PLB1: variants seen among roughly 807,000 people sequenced by gnomAD.
The protein encoded by PLB1 is phospholipase B1.
A neutral mutation model predicts 227.4 loss-of-function variants in PLB1; 242 were observed. The ratio of observed to expected loss-of-function variants is 1.06; its 90% confidence interval spans 0.96 to 1.18. The LOEUF (loss-of-function observed/expected upper bound fraction) is 1.18, where lower values mean the gene tolerates loss of function less well. PLB1 is among the 50% of genes most tolerant of loss of function. The pLI is 0.00. For synonymous variants in PLB1, 757 were observed against 682.2 expected (o/e 1.11, Z -1.71); for missense variants, 1,858 against 1,816.3 (o/e 1.02, Z -0.42).
At chr2:28,566,094 G>C (rs955744351) in intron 19 of PLB1, among the ~76,000 whole-genome samples, 11 of 152,166 alleles carry the variant, frequency 7.2e-5, no homozygotes, top group African/African-American at 2.7e-4. Flanking sequence ...GGCAGGTTTG[G>C]TGTTTCCTCA....
intron 1 of PLB1, among the ~76,000 whole-genome samples, chr2:28,515,175 A>T (rs900518601): frequency 6.6e-6 from 1 of 152,196 alleles, no homozygotes; most frequent in Non-Finnish European, 1.5e-5. Flanking sequence ...TAGAAAGAAA[A>T]TTACCAAAAT....
At chr2:28,625,896 TC>T (rs1240227352) in intron 50 of PLB1, among the ~76,000 whole-genome samples, 1 of 139,418 alleles carries the variant, frequency 7.2e-6, no homozygotes. Context: ...CAGAACCCCG[TC>T]CCCCGCCAGC....
At chr2:28,603,378 C>T (rs923659840) in intron 39 of PLB1, among the ~76,000 whole-genome samples, 1 of 152,188 alleles carries the variant, frequency 6.6e-6, no homozygotes, top group Non-Finnish European at 1.5e-5. Flanking sequence ...GCCATAAGTA[C>T]ATGGATGTGT....
At chr2:28,588,891 C>T (rs1005794675) in intron 26 of PLB1, among the ~76,000 whole-genome samples, 9 of 152,150 alleles carry the variant, frequency 5.9e-5, no homozygotes, top group Admixed American at 2.0e-4. Context: ...GCTGGCCAGG[C>T]GCGGTGGCTC....
At chr2:28,566,090 T>C (rs1264885740) in intron 19 of PLB1, among the ~76,000 whole-genome samples, 1 of 152,138 alleles carries the variant, frequency 6.6e-6, no homozygotes, top group Non-Finnish European at 1.5e-5. Flanking sequence ...CCCGGGCAGG[T>C]TTGGTGTTTC....
At position 28,640,975 on chromosome 2, in the gene PLB1, C is replaced by T. The variant is rs758859271; in HGVS notation, c.4147C>T (p.Arg1383Ter). The T allele has an allele frequency of 1.1e-5, 17 of 1,613,768 alleles. No individual in the cohort carries two copies. The highest frequency in any genetic ancestry group is 8.0e-5 in the African/African-American group (6 of 74,922). ...KTTSNNFTHS[R>*]AKLKCPSPES... The stretch of plus-strand genomic sequence containing the variant: ...TACCTCCAACAACTTCACCCACAGC[C>T]GAGCCAAACTCAAGTGCCCCTCTCC... Residue 1383 changes from arginine (R) to a stop codon, truncating the protein, a stop_gained, in exon 57 of 58, where the codon CGA becomes TGA. Coordinates refer to ENST00000327757, the MANE Select transcript of PLB1 (RefSeq NM_153021.5). LOFTEE classifies it low-confidence loss of function (END_TRUNC).
At chr2:28,627,888 A>T (rs1688027761) in intron 51 of PLB1, among the ~76,000 whole-genome samples, 1 of 152,178 alleles carries the variant, frequency 6.6e-6, no homozygotes, top group African/African-American at 2.4e-5. Flanking sequence ...CCCCACTGGT[A>T]TCAGCCTGTG....
rs559304991 is a variant in PLB1 at position 28,533,389 on chromosome 2, T to G, written c.555+1195T>G. Among the ~76,000 whole-genome samples the G allele has an allele frequency of 3.0e-3, 464 of 152,350 alleles. 4 individuals carry two copies. Among genetic ancestry groups the G allele is most frequent in the African/African-American group, 0.01 (427 of 41,576 alleles). ...TGCCGAGTGAAATTTACGTGCCTCA[T>G]TTGTTCTCTCCACAGCCCCCCTTTT... On this transcript the variant is annotated intron_variant, in intron 9 of 57. Coordinates refer to ENST00000327757, the MANE Select transcript of PLB1 (RefSeq NM_153021.5).
chr2:28,639,396 G>A (rs767291397), intron 56 of PLB1, among the ~76,000 whole-genome samples: 5 of 152,166 alleles, frequency 3.3e-5, no homozygotes, highest in Admixed American at 2.6e-4. Flanking sequence ...CAGGGCCAGA[G>A]CTTCCATCCA....
In PLB1 at chr2:28,632,152, G is replaced by T. The variant is rs778620985; in HGVS notation, c.4002+12G>T. On this transcript the variant is annotated intron_variant, in intron 55 of 57. Transcript: ENST00000327757. ...CCCCACTGAACGAGGTGAGCTGCAG[G>T]TATTTTAGGGAGGCTCACGTATGGG... The T allele has an allele frequency of 6.2e-7, 1 of 1,601,182 alleles. No homozygotes were observed. Among genetic ancestry groups the T allele is most frequent in the Non-Finnish European group, 8.6e-7 (1 of 1,168,508 alleles).
rs1210418865 is a variant in PLB1, at chr2:28,519,667, T to C, written c.185-38T>C. ...TCCTTGGCCGACATCATGGGGAATGTAGATCTGACCTTCCTATATGGGTTC... is the reference window on the plus strand; with the variant it reads ...TCCTTGGCCGACATCATGGGGAATGCAGATCTGACCTTCCTATATGGGTTC... On this transcript the variant is annotated intron_variant, in intron 3 of 57. Coordinates refer to ENST00000327757, the MANE Select transcript of PLB1 (RefSeq NM_153021.5). 3 of 1,499,460 alleles carry C rather than the reference T, an allele frequency of 2.0e-6. No individual in the cohort carries two copies. In the East Asian group the frequency reaches 6.8e-5, roughly 34 times the overall value. The allele number at this position is 1,499,460 out of a possible 1,614,324, so 92.9% of individuals were successfully genotyped here. A position where few individuals can be genotyped will look rare whatever the true frequency, so the allele number is the denominator to read the frequency against.
Position 28,511,952 on chromosome 2 carries a change from CTTTTT to C in PLB1, c.56-4842_56-4838del, listed in dbSNP as rs35941185. ...GGCACCTACCACCGTGCCTGGCTAA[CTTTTT>C]TTTTTTTTTTTTTAGTAGAGATGAG... On this transcript the variant is annotated intron_variant, in intron 1 of 57. Coordinates refer to ENST00000327757, the MANE Select transcript of PLB1 (RefSeq NM_153021.5). Among the ~76,000 whole-genome samples the C allele has an allele frequency of 2.3e-5, 3 of 131,416 alleles. No homozygotes were observed. In the Admixed American group the frequency reaches 2.3e-4, roughly 10 times the overall value. 86.2% of individuals were successfully genotyped at this position (131,416 alleles called of 152,430 possible).
At chr2:28,631,103 A>G (rs1314269779) in intron 54 of PLB1, among the ~76,000 whole-genome samples, 3 of 151,430 alleles carry the variant, frequency 2.0e-5, no homozygotes, top group African/African-American at 7.3e-5. Flanking sequence ...GCTGTTAGCT[A>G]TGATGATGCC....
chr2:28,633,166 C>A, intron 56 of PLB1, 127 bp downstream of exon 56: 2 of 705,268 alleles, frequency 2.8e-6, no homozygotes, highest in Non-Finnish European at 2.4e-6. Context: ...TGGCAGCACA[C>A]CTTATTGGTC....
intron 25 of PLB1, chr2:28,585,540 G>A (rs1680762400): frequency 1.1e-5 from 5 of 475,264 alleles, no homozygotes; most frequent in Non-Finnish European, 2.0e-5. Flanking sequence ...GCCCACCAAA[G>A]TGCTGGCATT....
At position 28,579,546 on chromosome 2, in the gene PLB1, T is replaced by G. The variant is rs1171203660; in HGVS notation, c.1486-81T>G. On this transcript the variant is annotated intron_variant, in intron 22 of 57. Coordinates refer to ENST00000327757, the MANE Select transcript of PLB1 (RefSeq NM_153021.5). ...ACTCTGGTGTGTGAGGACCCATCTT[T>G]TCTAGTTTGCAAGCATTTTGTGTTT... The G allele has an allele frequency of 1.6e-5, 18 of 1,138,024 alleles. 1 individual carries two copies. In the South Asian group the frequency reaches 1.6e-4, roughly 10 times the overall value. The allele number at this position is 1,138,024 out of a possible 1,614,324, so 70.5% of individuals were successfully genotyped here. A position where few individuals can be genotyped will look rare whatever the true frequency, so the allele number is the denominator to read the frequency against.
intron 1 of PLB1, among the ~76,000 whole-genome samples, chr2:28,504,173 C>T (rs1460789577): frequency 1.3e-5 from 2 of 152,126 alleles, no homozygotes; most frequent in African/African-American, 4.8e-5. Flanking sequence ...TTGGCCTGCT[C>T]ACTCCATGTA....
In PLB1 at chr2:28,628,603, A is replaced by G. The variant is rs868520406; in HGVS notation, c.3701A>G (p.Gln1234Arg). 1 of 1,614,148 alleles carries G rather than the reference A, an allele frequency of 6.2e-7. No homozygotes were observed. Among genetic ancestry groups the G allele is most frequent in the Non-Finnish European group, 8.5e-7 (1 of 1,180,014 alleles). The change falls in exon 52 of 58, where the codon CAG (glutamine) becomes CGG (arginine). Residue 1234 changes from glutamine to arginine, a missense_variant. By Grantham distance (43) the Gln-to-Arg change is conservative. Transcript: ENST00000327757. The part of the protein sequence containing the change: ...LATEYVQHIQ[Q>R]ALDILSEELP... Reference sequence around the variant, plus strand: ...ACGGAATATGTTCAGCACATCCAACAGGCCCTGGACATCCTCTCTGAGGAG... The same window carrying G: ...ACGGAATATGTTCAGCACATCCAACGGGCCCTGGACATCCTCTCTGAGGAG...
At chr2:28,636,051 GTATGTGTGTATGTA>G (rs1689319610) in intron 56 of PLB1, among the ~76,000 whole-genome samples, 4 of 114,896 alleles carry the variant, frequency 3.5e-5, no homozygotes, top group African/African-American at 1.2e-4. Context: ...GTATGTATGT[GTATGTGTGTATGTA>G]TGTATGTATG....
Sources: allele counts gnomAD v4.1 joint callset (sites outside exome capture counted in the v4.1 genomes callset), GRCh38; gene constraint gnomAD v4.1.1; transcripts MANE v1.5; gene names NCBI Gene and HGNC (gene_info 2026-07-23, HGNC 2026-07-21).